Variants in STAG1 observed in about 807,000 individuals in gnomAD.
STAG1 encodes the protein cohesin subunit SA-1.
STAG1 carries 26 observed loss-of-function variants against 170.9 expected under a neutral mutation model. That is an observed-to-expected ratio of 0.15 (90% CI 0.11 to 0.21). The LOEUF (loss-of-function observed/expected upper bound fraction) is 0.21. STAG1 is among the 10% of genes least tolerant of loss of function. The pLI is 1.00. For synonymous variants in STAG1, 514 were observed against 497.7 expected (o/e 1.03, Z -0.44); for missense variants, 964 against 1,509.5 (o/e 0.64, Z 5.99).
intron 1 of STAG1, among the ~76,000 whole-genome samples, chr3:136,725,401 A>C (rs1474957790): frequency 3.3e-5 from 5 of 152,212 alleles, no homozygotes; most frequent in African/African-American, 1.2e-4. Flanking sequence ...GGTTCCATGC[A>C]TGTTGTGTTT....
chr3:136,423,000 G>T lies in STAG1; in HGVS notation c.1695C>A (p.Asn565Lys), dbSNP rs199764806. 6.2e-7 allele frequency: 1 copy of T among 1,607,850 alleles called. No individual in the cohort carries two copies. The highest frequency in any genetic ancestry group is 1.3e-5 in the African/African-American group (1 of 74,826). The change falls in exon 17 of 34, where the codon AAC becomes AAA. Residue 565 changes from asparagine to lysine, a missense_variant. Around this residue, in one of 11 missense-constraint regions of STAG1, gnomAD observed 232 missense variants for 313.0 expected, o/e 0.74. Transcript: ENST00000383202. ...TAATAATAAAATGTTCAGTCAATTT[G>T]TTTCTATCATCAATTTGAGTTTTCC... ...KERKTQIDDR[N>K]KLTEHFIITL...
At chr3:136,461,464 C>G in intron 13 of STAG1, among the ~76,000 whole-genome samples, 1 of 151,744 alleles carries the variant, frequency 6.6e-6, no homozygotes, top group East Asian at 1.9e-4. Flanking sequence ...CTAATAAATT[C>G]TGAAAAGTAG....
At chr3:136,436,131 T>C (rs1258348482) in intron 15 of STAG1, among the ~76,000 whole-genome samples, 1 of 151,468 alleles carries the variant, frequency 6.6e-6, no homozygotes, top group African/African-American at 2.4e-5. Flanking sequence ...AATTTTTGTA[T>C]TTTTAGGAGA....
intron 1 of STAG1, among the ~76,000 whole-genome samples, chr3:136,636,840 C>T (rs764437238): frequency 6.6e-6 from 1 of 152,190 alleles, no homozygotes; most frequent in Non-Finnish European, 1.5e-5. Flanking sequence ...TGGCCAGAGC[C>T]TATCCCAGCA....
At chr3:136,616,001 G>A (rs547958155) in intron 3 of STAG1, among the ~76,000 whole-genome samples, 34 of 152,086 alleles carry the variant, frequency 2.2e-4, no homozygotes, top group African/African-American at 7.5e-4. Flanking sequence ...GGGCGCAGTG[G>A]CTCGCACCTG....
chr3:136,442,369 A>G (rs961256533), intron 15 of STAG1, among the ~76,000 whole-genome samples: 27 of 152,248 alleles, frequency 1.8e-4, no homozygotes, highest in African/African-American at 6.5e-4. Context: ...ATACACAGGA[A>G]AAAGCATTTC....
At chr3:136,634,273 CTTGAGCCTAGGAGG>C (rs1940460407) in intron 1 of STAG1, among the ~76,000 whole-genome samples, 1 of 152,002 alleles carries the variant, frequency 6.6e-6, no homozygotes, top group Non-Finnish European at 1.5e-5. Context: ...GGGAGGATCA[CTTGAGCCTAGGAGG>C]TTGAGGCTAC....
At chr3:136,643,365 T>C (rs1576706143) in intron 1 of STAG1, among the ~76,000 whole-genome samples, 1 of 152,192 alleles carries the variant, frequency 6.6e-6, no homozygotes. Context: ...GAGATAAACA[T>C]GAGAGTTTCA....
intron 1 of STAG1, among the ~76,000 whole-genome samples, chr3:136,734,050 T>C (rs1934195029): frequency 6.8e-6 from 1 of 146,718 alleles, no homozygotes. Context: ...GAGCTTGCAG[T>C]GAGCCAAGAT....
At chr3:136,599,712 T>C (rs1938583759) in intron 4 of STAG1, among the ~76,000 whole-genome samples, 1 of 152,186 alleles carries the variant, frequency 6.6e-6, no homozygotes, top group Non-Finnish European at 1.5e-5. Context: ...TGCCAATACT[T>C]GAATTCTCCC....
intron 1 of STAG1, among the ~76,000 whole-genome samples, chr3:136,676,665 G>A (rs73230030): frequency 0.012 from 1,819 of 152,140 alleles, 21 homozygotes; most frequent in Non-Finnish European, 0.02. Context: ...TCCTAGACTC[G>A]TCTTGAACTT....
At chr3:136,575,415 G>A (rs1243420970) in intron 4 of STAG1, among the ~76,000 whole-genome samples, 1 of 152,086 alleles carries the variant, frequency 6.6e-6, no homozygotes, top group Non-Finnish European at 1.5e-5. Context: ...GGTAGAGACG[G>A]GATTTCGCCA....
chr3:136,614,091 C>T (rs1299602998), intron 3 of STAG1, among the ~76,000 whole-genome samples: 1 of 152,152 alleles, frequency 6.6e-6, no homozygotes, highest in Non-Finnish European at 1.5e-5. Context: ...TGGTACGCGC[C>T]TGTAGTCCTA....
At chr3:136,692,182 C>T (rs1276626688) in intron 1 of STAG1, among the ~76,000 whole-genome samples, 1 of 151,300 alleles carries the variant, frequency 6.6e-6, no homozygotes, top group Non-Finnish European at 1.5e-5. Flanking sequence ...GGCATGATGG[C>T]AGGTGCCTGT....
At chr3:136,529,806 A>T (rs926768464) in intron 6 of STAG1, among the ~76,000 whole-genome samples, 1 of 152,226 alleles carries the variant, frequency 6.6e-6, no homozygotes, top group Non-Finnish European at 1.5e-5. Flanking sequence ...GAAAAACAAT[A>T]GGAGAAAAAG....
chr3:136,388,475 T>G (rs1017304199), intron 22 of STAG1, among the ~76,000 whole-genome samples: 1 of 152,146 alleles, frequency 6.6e-6, no homozygotes, highest in African/African-American at 2.4e-5. Context: ...TTCAAGCGAT[T>G]CTGTTGCCTC....
chr3:136,605,095 T>C (rs1276435820), intron 3 of STAG1, among the ~76,000 whole-genome samples: 1 of 152,196 alleles, frequency 6.6e-6, no homozygotes, highest in Non-Finnish European at 1.5e-5. Context: ...AAAACATTTC[T>C]GGGAAATGCC....
intron 16 of STAG1, among the ~76,000 whole-genome samples, chr3:136,433,286 T>C (rs534263079): frequency 6.6e-5 from 10 of 151,988 alleles, no homozygotes; most frequent in Non-Finnish European, 1.5e-4. Flanking sequence ...GTACTTTTAA[T>C]AGACGTAAAA....
chr3:136,711,924 T>C (rs931398556), intron 1 of STAG1, among the ~76,000 whole-genome samples: 23 of 152,264 alleles, frequency 1.5e-4, no homozygotes, highest in Admixed American at 1.1e-3. Flanking sequence ...ATAACTCCAT[T>C]ACCTCCAAGG....
Sources: gnomAD v4.1 joint callset for allele counts (sites outside exome capture counted in the v4.1 genomes callset) on GRCh38, gnomAD v4.1.1 for gene constraint, gnomAD v4.1.1 regional missense constraint, MANE v1.5 for transcripts, NCBI Gene and HGNC (gene_info 2026-07-23, HGNC 2026-07-21) for gene names.